SMC1B: variants seen among roughly 807,000 people sequenced by gnomAD.
SMC1B encodes structural maintenance of chromosomes 1B.
In SMC1B, 60 loss-of-function variants were observed where a neutral mutation model predicts 157.9. The observed-to-expected ratio is 0.38, with a 90% CI of 0.31 to 0.47. The LOEUF is 0.47. Ranked by LOEUF, SMC1B falls within the 20% of genes least tolerant of loss-of-function variation. The pLI is 0.99. For synonymous variants in SMC1B, 445 were observed against 483.0 expected (o/e 0.92, Z 1.03); for missense variants, 1,165 against 1,426.2 (o/e 0.82, Z 2.95).
chr22:45,349,676 C>CAAG (rs1363846603), intron 23 of SMC1B, 52 bp downstream of exon 23: 11 of 1,511,392 alleles, frequency 7.3e-6, no homozygotes, highest in Admixed American at 1.8e-5. Flanking sequence ...GCTTGCCTCA[C>CAAG]ATGATCCTTG....
Position 45,345,534 on chromosome 22 carries a change from C to G in SMC1B, c.3531G>C (p.Gln1177His), listed in dbSNP as rs2086542202. The change falls in exon 24 of 25, where the codon CAG becomes CAC. Residue 1177 changes from glutamine to histidine, a missense_variant. Transcript: ENST00000357450. ...SSYIKEQTQD[Q>H]FQMIVISLKE... Reference sequence around the variant, plus strand: ...TTAGGGAGATGACTATCATCTGAAACTGGTCTTGAGTTTGCTCTTTGATGT... The same window carrying G: ...TTAGGGAGATGACTATCATCTGAAAGTGGTCTTGAGTTTGCTCTTTGATGT... The G allele has an allele frequency of 1.2e-6, 2 of 1,613,842 alleles. No individual in the cohort carries two copies. Among genetic ancestry groups the G allele is most frequent in the Non-Finnish European group, 1.7e-6 (2 of 1,179,750 alleles).
chr22:45,385,308 T>C (rs1456556804), intron 11 of SMC1B, among the ~76,000 whole-genome samples: 1 of 152,092 alleles, frequency 6.6e-6, no homozygotes, highest in Non-Finnish European at 1.5e-5. Context: ...AGTAAACAAG[T>C]AAACCAAAAT....
chr22:45,405,958 C>G lies in SMC1B; in HGVS notation c.615+502G>C, dbSNP rs12169433. ...TTATAAAAGTGGTAAAACAATGTCTCTCTTCTAATTGGTTGTGGAAAATAC... is the reference window on the plus strand; with the variant it reads ...TTATAAAAGTGGTAAAACAATGTCTGTCTTCTAATTGGTTGTGGAAAATAC... On this transcript the variant is annotated intron_variant, in intron 4 of 24. Coordinates refer to ENST00000357450, the MANE Select transcript of SMC1B (RefSeq NM_148674.5). Among the ~76,000 whole-genome samples the G allele has an allele frequency of 7.4e-3, 1,124 of 152,260 alleles. 12 individuals carry two copies. The highest frequency in any genetic ancestry group is 0.026 in the African/African-American group (1,074 of 41,540).
chr22:45,383,118 A>T (rs1259970627), intron 12 of SMC1B, among the ~76,000 whole-genome samples: 1 of 147,266 alleles, frequency 6.8e-6, no homozygotes, highest in African/African-American at 2.6e-5. Context: ...GGGCAACAAG[A>T]GCGAAACTCT....
chr22:45,386,815 A>T (rs41311447), intron 11 of SMC1B, 52 bp downstream of exon 11: 101 of 1,518,350 alleles, frequency 6.7e-5, no homozygotes, highest in Non-Finnish European at 8.8e-5. Flanking sequence ...TGCTAGTCTT[A>T]TAAATACTAC....
chr22:45,361,935 T>C lies in SMC1B; in HGVS notation c.2612A>G (p.Gln871Arg). ...AGTGACACGTATGTCCTTAAGTTGC[T>C]GCTGCTTTGCCATGAGTTCATTCAC... ...QTVNELMAKQ[Q>R]QLKDIRVTQN... The change falls in exon 17 of 25, where the codon CAG becomes CGG. Residue 871 changes from glutamine (Q) to arginine (R), a missense_variant. By Grantham distance (43) the Gln-to-Arg change is conservative (BLOSUM62 1). Coordinates refer to ENST00000357450, the MANE Select transcript of SMC1B (RefSeq NM_148674.5). 6.2e-7 allele frequency: 1 copy of C among 1,614,210 alleles called. No individual in the cohort carries two copies. The highest frequency in any genetic ancestry group is 8.5e-7 in the Non-Finnish European group (1 of 1,180,018).
chr22:45,389,000 A>AAAG (rs1408306129), intron 10 of SMC1B, among the ~76,000 whole-genome samples: 2,746 of 149,018 alleles, frequency 0.018, 143 homozygotes, highest in African/African-American at 0.065. Context: ...AAAAAAAAAA[A>AAAG]AAAAGAAAAA....
At chr22:45,361,762 T>C in intron 17 of SMC1B, 77 bp downstream of exon 17, 2 of 1,377,652 alleles carry the variant, frequency 1.5e-6, no homozygotes, top group Non-Finnish European at 2.0e-6. Flanking sequence ...ATGCAACTCA[T>C]TTCATACATT....
At chr22:45,365,638 G>A (rs2086768431) in intron 15 of SMC1B, among the ~76,000 whole-genome samples, 3 of 152,198 alleles carry the variant, frequency 2.0e-5, no homozygotes, top group Admixed American at 1.3e-4. Context: ...CCAGGAGGCA[G>A]AGGTAGCAGT....
chr22:45,396,853 A>C (rs1217448917), intron 6 of SMC1B, among the ~76,000 whole-genome samples: 2 of 152,134 alleles, frequency 1.3e-5, no homozygotes, highest in African/African-American at 4.8e-5. Flanking sequence ...ACTTAAAGAT[A>C]CATGTGGCTT....
At chr22:45,361,789 C>G (rs2086723981) in intron 17 of SMC1B, 50 bp downstream of exon 17, 1 of 1,551,364 alleles carries the variant, frequency 6.4e-7, no homozygotes, top group Non-Finnish European at 8.8e-7. Context: ...AGTTGGTGTC[C>G]ATGTTTAAAA....
At chr22:45,406,919 C>T (rs1602100038) in intron 2 of SMC1B, 54 bp from the exon 3 acceptor site, 2 of 1,206,072 alleles carry the variant, frequency 1.7e-6, no homozygotes, top group East Asian at 2.5e-5. Context: ...AGATATACCT[C>T]AAAATCCACC....
At chr22:45,375,816 G>A (rs543586849) in intron 12 of SMC1B, among the ~76,000 whole-genome samples, 2 of 152,170 alleles carry the variant, frequency 1.3e-5, no homozygotes, top group South Asian at 2.1e-4. Flanking sequence ...TTACTACAGT[G>A]TTCAATTCTC....
chr22:45,377,855 C>CTT (rs897467093), intron 12 of SMC1B, among the ~76,000 whole-genome samples: 2 of 144,596 alleles, frequency 1.4e-5, no homozygotes, highest in Non-Finnish European at 1.5e-5. Flanking sequence ...AATTGCTTTC[C>CTT]TTTTTTTTTT....
intron 1 of SMC1B, among the ~76,000 whole-genome samples, chr22:45,410,500 C>T (rs560185207): frequency 1.3e-5 from 2 of 152,022 alleles, no homozygotes; most frequent in Non-Finnish European, 2.9e-5. Flanking sequence ...GTCAGGGGTT[C>T]GAGACCAGCC....
intron 17 of SMC1B, 21 bp downstream of exon 17, chr22:45,361,818 A>G (rs760876601): frequency 3.9e-5 from 62 of 1,608,470 alleles, no homozygotes; most frequent in Non-Finnish European, 5.0e-5. Context: ...AGGTCTTTCA[A>G]ACTGATGAAG....
rs71190663 is a variant in SMC1B at position 45,396,678 on chromosome 22, A to ATTATTTAT, written c.1114-200_1114-193dup. Among the ~76,000 whole-genome samples the ATTATTTAT allele has an allele frequency of 9.4e-3, 1,432 of 151,964 alleles. 10 individuals carry two copies. Among genetic ancestry groups the ATTATTTAT allele is most frequent in the Non-Finnish European group, 0.014 (951 of 67,946 alleles). On this transcript the variant is annotated intron_variant, in intron 6 of 24. Transcript: ENST00000357450. ...AAAGCTTCCTTTAAAAAAACTGTTT[A>ATTATTTAT]TTATTTATTTATTTATTTATATTTG...
intron 18 of SMC1B, 110 bp downstream of exon 18, chr22:45,359,695 A>T (rs1048423312): frequency 5.9e-6 from 7 of 1,184,504 alleles, no homozygotes; most frequent in Middle Eastern, 2.0e-4. Context: ...CTCCTATGAG[A>T]TGTCTTCACC....
intron 12 of SMC1B, among the ~76,000 whole-genome samples, chr22:45,376,041 T>G (rs1034492646): frequency 2.0e-5 from 3 of 152,206 alleles, no homozygotes; most frequent in African/African-American, 7.2e-5. Context: ...AAAATATACG[T>G]AACATAAAAT....
Sources: gnomAD v4.1 joint callset for allele counts (sites outside exome capture counted in the v4.1 genomes callset) on GRCh38, gnomAD v4.1.1 for gene constraint, MANE v1.5 for transcripts, NCBI Gene and HGNC (gene_info 2026-07-23, HGNC 2026-07-21) for gene names.